The following KIAA0753 variants were observed in gnomAD, a reference collection of about 807,000 sequenced individuals.
KIAA0753 encodes the protein KIAA0753.
In KIAA0753, 114 loss-of-function variants were observed where a neutral mutation model predicts 116.9. The ratio of observed to expected loss-of-function variants is 0.98; its 90% CI spans 0.84 to 1.14. The LOEUF is 1.14. Among genes scored for constraint, KIAA0753 ranks in the 50% most tolerant of loss-of-function variants. The pLI is 0.00. For synonymous variants in KIAA0753, 405 were observed against 413.1 expected (o/e 0.98, Z 0.24); for missense variants, 1,156 against 1,172.4 (o/e 0.99, Z 0.20).
intron 12 of KIAA0753, among the ~76,000 whole-genome samples, chr17:6,602,641 A>G (rs2150800047): frequency 6.6e-6 from 1 of 152,336 alleles, no homozygotes; most frequent in Non-Finnish European, 1.5e-5. Context: ...ACCAAAAAAG[A>G]CATGTGGGTA....
intron 4 of KIAA0753, among the ~76,000 whole-genome samples, 199 bp downstream of exon 4, chr17:6,624,556 A>ACACACACACACACG (rs1555532342): frequency 6.9e-6 from 1 of 145,500 alleles, no homozygotes; most frequent in African/African-American, 2.5e-5. Context: ...ACACACACAC[A>ACACACACACACACG]CACACACACA....
chr17:6,606,840 A>G lies in KIAA0753; in HGVS notation c.2009+33T>C, dbSNP rs372985891. On this transcript the variant is annotated intron_variant, in intron 12 of 18. Coordinates refer to ENST00000361413, the MANE Select transcript of KIAA0753 (RefSeq NM_014804.3). ...TCTAGATCAATTAGAACAGGCAAAC[A>G]TCCACTATTCTTCCTAAGAAGCAAA... The G allele has an allele frequency of 8.9e-6, 14 of 1,565,204 alleles. No individual in the cohort carries two copies. In the Middle Eastern group the frequency reaches 6.7e-4, roughly 75 times the overall value.
At chr17:6,591,974 G>T (rs1969102943) in intron 16 of KIAA0753, among the ~76,000 whole-genome samples, 1 of 152,272 alleles carries the variant, frequency 6.6e-6, no homozygotes, top group African/African-American at 2.4e-5. Flanking sequence ...TCGAACACAT[G>T]GTAGGACATG....
intron 18 of KIAA0753, among the ~76,000 whole-genome samples, chr17:6,581,517 G>A (rs1179884104): frequency 6.6e-6 from 1 of 152,166 alleles, no homozygotes; most frequent in Non-Finnish European, 1.5e-5. Flanking sequence ...GTATAGTGGA[G>A]GGAGATACTT....
At chr17:6,580,490 ATT>A (rs35908104) in intron 18 of KIAA0753, among the ~76,000 whole-genome samples, 45,889 of 151,044 alleles carry the variant, frequency 0.3, 7,818 homozygotes, top group Admixed American at 0.39. Context: ...AATTTTTTGT[ATT>A]TTTTTAGTAG....
chr17:6,621,048 G>A (rs1329859343), intron 6 of KIAA0753, 50 bp from the exon 7 acceptor site: 1 of 1,559,268 alleles, frequency 6.4e-7, no homozygotes, highest in African/African-American at 1.4e-5. Context: ...GCAAAAGTAT[G>A]ACTTTTAATC....
intron 18 of KIAA0753, among the ~76,000 whole-genome samples, chr17:6,583,758 A>G (rs886388455): frequency 6.6e-6 from 1 of 152,190 alleles, no homozygotes; most frequent in Non-Finnish European, 1.5e-5. Flanking sequence ...ATTTCTATGA[A>G]TGCACTAGGC....
At chr17:6,582,809 A>G (rs1484974905) in intron 18 of KIAA0753, among the ~76,000 whole-genome samples, 1 of 152,216 alleles carries the variant, frequency 6.6e-6, no homozygotes, top group Non-Finnish European at 1.5e-5. Flanking sequence ...CTTGACGTCT[A>G]ACATTAATTG....
Position 6,624,786 on chromosome 17 carries a change from G to C in KIAA0753, c.794C>G (p.Ser265Cys), listed in dbSNP as rs551812069. 2 of 1,562,390 alleles carry C rather than the reference G, an allele frequency of 1.3e-6. No homozygotes were observed. The highest frequency in any genetic ancestry group is 2.3e-5 in the East Asian group (1 of 42,624). Residue 265 changes from serine to cysteine, a missense_variant, in exon 4 of 19, where the codon TCT (serine) becomes TGT (cysteine). By Grantham distance (112) the Ser-to-Cys change is moderately radical (BLOSUM62 -1). Transcript: ENST00000361413. ...RIRRQEQAAR[S>C]ARMLYVLQQQ... is the part of the protein sequence containing the mutation. ...CTGGAGGACGTAGAGCATTCGGGCA[G>C]AGCGAGCAGCTTGCTCCTGTCTCCT...
chr17:6,601,146 T>C (rs1969844687), intron 12 of KIAA0753: 2 of 152,284 alleles, frequency 1.3e-5, no homozygotes, highest in African/African-American at 2.4e-5. Flanking sequence ...ACCAGGTACA[T>C]CTAGGCCTGG....
intron 12 of KIAA0753, among the ~76,000 whole-genome samples, chr17:6,605,397 C>A (rs930023334): frequency 6.6e-6 from 1 of 152,200 alleles, no homozygotes; most frequent in African/African-American, 2.4e-5. Flanking sequence ...GACAGGCCCT[C>A]CAGATGGAGG....
intron 14 of KIAA0753, among the ~76,000 whole-genome samples, chr17:6,597,138 G>T (rs969715415): frequency 5.9e-5 from 9 of 152,166 alleles, no homozygotes; most frequent in African/African-American, 1.9e-4. Flanking sequence ...GATTTCATAA[G>T]AGCTTGCACG....
At chr17:6,620,465 C>G (rs900420567) in intron 7 of KIAA0753, among the ~76,000 whole-genome samples, 1 of 150,606 alleles carries the variant, frequency 6.6e-6, no homozygotes, top group South Asian at 2.1e-4. Context: ...ATGTGTGTGT[C>G]TCTGTGTGTG....
Position 6,611,991 on chromosome 17 carries a change from T to G in KIAA0753, c.1473A>C (p.Ala491=). ...TCTCAGTCACAGGCTTCTTTTTCCC[T>G]GCTTTTGTTTTTGCCACGGCTAACA... ...DEVLAVAKTK[A]GKKKPVTENV... is the part of the protein sequence containing the mutation. Residue 491 remains alanine, a synonymous_variant, in exon 8 of 19, where the codon GCA becomes GCC. Transcript: ENST00000361413. 2 of 1,614,206 alleles carry G rather than the reference T, an allele frequency of 1.2e-6. No homozygotes were observed. The highest frequency in any genetic ancestry group is 1.7e-6 in the Non-Finnish European group (2 of 1,180,034).
intron 18 of KIAA0753, 45 bp from the exon 19 acceptor site, chr17:6,579,909 G>T: frequency 6.9e-7 from 1 of 1,448,218 alleles, no homozygotes; most frequent in Non-Finnish European, 9.7e-7. Flanking sequence ...AAGGCCAGGC[G>T]CGGTGGCTCA....
At chr17:6,612,731 G>A (rs1970636647) in intron 7 of KIAA0753, among the ~76,000 whole-genome samples, 1 of 152,270 alleles carries the variant, frequency 6.6e-6, no homozygotes, top group Middle Eastern at 3.4e-3. Context: ...AGCCAGACAT[G>A]GTGGCAGCCA....
chr17:6,604,769 G>A (rs1970087564), intron 12 of KIAA0753, among the ~76,000 whole-genome samples: 1 of 151,936 alleles, frequency 6.6e-6, no homozygotes, highest in Non-Finnish European at 1.5e-5. Context: ...TTTCCCAAGA[G>A]GCTAACATCT....
intron 18 of KIAA0753, 54 bp from the exon 19 acceptor site, chr17:6,579,918 C>T: frequency 7.5e-7 from 1 of 1,333,490 alleles, no homozygotes. Flanking sequence ...CGCGGTGGCT[C>T]ACACCTGTCA....
intron 7 of KIAA0753, among the ~76,000 whole-genome samples, chr17:6,619,133 G>A (rs913710674): frequency 4.6e-5 from 7 of 152,058 alleles, no homozygotes; most frequent in South Asian, 4.1e-4. Context: ...AGAGGCTGAG[G>A]CAGGAGAATT....
Sources: gnomAD v4.1 joint callset for allele counts (sites outside exome capture counted in the v4.1 genomes callset) on GRCh38, gnomAD v4.1.1 for gene constraint, MANE v1.5 for transcripts, NCBI Gene and HGNC (gene_info 2026-07-23, HGNC 2026-07-21) for gene names.